The following NBEA variants were observed in gnomAD, a reference collection of about 807,000 sequenced individuals.
NBEA encodes neurobeachin.
NBEA carries 44 observed loss-of-function variants against 343.4 expected under a neutral mutation model. That is an observed-to-expected ratio of 0.13 (90% CI 0.10 to 0.16). The LOEUF (loss-of-function observed/expected upper bound fraction) is 0.16, where lower values mean the gene tolerates loss of function less well. Ranked by LOEUF, NBEA falls within the 10% of genes least tolerant of loss-of-function variation. NBEA has a pLI of 1.00. For synonymous variants in NBEA, 1,175 were observed against 1,238.7 expected (o/e 0.95, Z 1.08); for missense variants, 2,555 against 3,631.3 (o/e 0.70, Z 7.62).
intron 46 of NBEA, among the ~76,000 whole-genome samples, chr13:35,589,388 C>T (rs960482944): frequency 6.6e-6 from 1 of 152,042 alleles, no homozygotes; most frequent in Admixed American, 6.6e-5. Flanking sequence ...TAATACAGAG[C>T]CTGGCACAGA....
At chr13:35,556,342 G>A (rs2079571602) in intron 44 of NBEA, among the ~76,000 whole-genome samples, 1 of 152,050 alleles carries the variant, frequency 6.6e-6, no homozygotes, top group Non-Finnish European at 1.5e-5. Flanking sequence ...CAACACCAAA[G>A]AGAAGAGGGA....
intron 44 of NBEA, among the ~76,000 whole-genome samples, chr13:35,559,557 A>G (rs959357519): frequency 6.6e-6 from 1 of 152,120 alleles, no homozygotes. Context: ...AAACATTTTT[A>G]TTTGATATCA....
intron 34 of NBEA, among the ~76,000 whole-genome samples, chr13:35,246,508 T>A (rs532133963): frequency 6.6e-6 from 1 of 152,308 alleles, no homozygotes; most frequent in East Asian, 1.9e-4. Context: ...CCCCTTTTCC[T>A]AGGGATGTGG....
intron 36 of NBEA, among the ~76,000 whole-genome samples, chr13:35,345,578 T>C (rs1004321096): frequency 2.6e-5 from 4 of 152,066 alleles, no homozygotes; most frequent in African/African-American, 9.7e-5. Flanking sequence ...TTTGTTACTT[T>C]CCTTAGCAGT....
At chr13:35,449,555 T>C (rs116925507) in intron 39 of NBEA, among the ~76,000 whole-genome samples, 4,555 of 152,330 alleles carry the variant, frequency 0.03, 107 homozygotes, top group Non-Finnish European at 0.045. Context: ...TTATTAATCA[T>C]TGGGTTTCCC....
chr13:35,614,995 T>G (rs2082670765), intron 48 of NBEA, among the ~76,000 whole-genome samples: 1 of 151,962 alleles, frequency 6.6e-6, no homozygotes, highest in Non-Finnish European at 1.5e-5. Context: ...GATACTGTGC[T>G]AGAACTTCAG....
chr13:35,557,705 C>T (rs1338059666), intron 44 of NBEA, among the ~76,000 whole-genome samples: 1 of 152,100 alleles, frequency 6.6e-6, no homozygotes, highest in South Asian at 2.1e-4. Context: ...AGAACACTTA[C>T]AGTCTAGATG....
chr13:35,241,492 T>C (rs1172055105), intron 34 of NBEA, among the ~76,000 whole-genome samples: 1 of 151,814 alleles, frequency 6.6e-6, no homozygotes, highest in Non-Finnish European at 1.5e-5. Flanking sequence ...ATATCTGTAA[T>C]ACCAAAGGTA....
At chr13:35,474,927 T>C in intron 41 of NBEA, 1 of 1,111,630 alleles carries the variant, frequency 9.0e-7, no homozygotes. Flanking sequence ...GTTTAAATAT[T>C]GTATTATTAT....
Position 35,109,434 on chromosome 13 carries a change from C to T in NBEA, c.1825C>T (p.Pro609Ser), listed in dbSNP as rs1395355133. ...LFNPAIWIHT[P>S]AKVQLSLYTY... ...TAACCCAGCCATCTGGATACATACA[C>T]CTGCAAAGGTATGAATTTTATACTT... Residue 609 changes from proline (P) to serine (S), a missense_variant, in exon 12 of 59, where the codon CCT becomes TCT. Pro to Ser is a moderately conservative substitution (Grantham distance 74). This residue lies in a region of NBEA where 360 missense variants were observed against 519.1 expected (regional missense o/e 0.69). Transcript: ENST00000379939. 4 of 1,603,650 alleles carry T rather than the reference C, an allele frequency of 2.5e-6. No homozygotes were observed. The highest frequency in any genetic ancestry group is 3.4e-6 in the Non-Finnish European group (4 of 1,176,426).
intron 10 of NBEA, among the ~76,000 whole-genome samples, chr13:35,075,445 TTAAA>T (rs1260153497): frequency 1.3e-5 from 2 of 152,090 alleles, no homozygotes; most frequent in Admixed American, 6.6e-5. Flanking sequence ...ATGTGATAAT[TTAAA>T]TAAATTATCT....
At chr13:35,293,209 C>A (rs1203304525) in intron 35 of NBEA, among the ~76,000 whole-genome samples, 2 of 151,884 alleles carry the variant, frequency 1.3e-5, no homozygotes. Flanking sequence ...TATGGGCAAA[C>A]TTTTAAACTC....
At chr13:35,062,385 G>A (rs998822068) in intron 8 of NBEA, among the ~76,000 whole-genome samples, 5 of 151,644 alleles carry the variant, frequency 3.3e-5, no homozygotes, top group African/African-American at 4.8e-5. Context: ...ATTTTGAAAG[G>A]TCTAATAGGC....
In NBEA at chr13:35,584,119, T is replaced by TG; in HGVS notation, c.7176+82dup. The TG allele has an allele frequency of 2.4e-6, 3 of 1,268,400 alleles. No individual in the cohort carries two copies. In the African/African-American group the frequency reaches 4.5e-5, roughly 19 times the overall value. 78.6% of individuals were successfully genotyped at this position (1,268,400 alleles called of 1,614,324 possible). ...TAAATTAAATAAAAATCAAATCAGT[T>TG]GTAATTTGATTAACAAAGATTAGAG... On this transcript the variant is annotated intron_variant, in intron 46 of 58. Transcript: ENST00000379939.
chr13:35,002,653 A>G (rs2061181269), intron 1 of NBEA, among the ~76,000 whole-genome samples: 1 of 152,230 alleles, frequency 6.6e-6, no homozygotes, highest in Non-Finnish European at 1.5e-5. Flanking sequence ...TGAATTTTAA[A>G]TCATTATAAC....
intron 41 of NBEA, among the ~76,000 whole-genome samples, chr13:35,509,561 AT>A (rs2077197261): frequency 6.6e-6 from 1 of 152,190 alleles, no homozygotes; most frequent in Admixed American, 6.5e-5. Context: ...AAGTTTTTGT[AT>A]TTGGCCACCG....
rs35166245 is a variant in NBEA, at chr13:35,119,581, A to AT, written c.2243+1116dup. 1.5e-4 allele frequency among the ~76,000 whole-genome samples: 23 copies of AT among 151,382 alleles called. 1 individual carries two copies. The East Asian group carries it at 1.7e-3, about 11-fold the overall frequency. ...CATTTAGTGATTAACAACTGTTACA[A>AT]TTTTTTTTTCTTTTTGAGACAGAGT... On this transcript the variant is annotated intron_variant, in intron 16 of 58. Transcript: ENST00000379939.
At chr13:35,050,817 T>C (rs769815640) in intron 6 of NBEA, among the ~76,000 whole-genome samples, 7 of 152,002 alleles carry the variant, frequency 4.6e-5, no homozygotes, top group African/African-American at 7.2e-5. Flanking sequence ...TTCTGAATAT[T>C]GTTTCCTGAG....
intron 41 of NBEA, among the ~76,000 whole-genome samples, chr13:35,507,407 T>A (rs1028675643): frequency 1.3e-5 from 2 of 152,154 alleles, no homozygotes; most frequent in African/African-American, 4.8e-5. Flanking sequence ...AGCCTGACTC[T>A]CTTTCTTGAA....
Sources: gnomAD v4.1 joint callset for allele counts (sites outside exome capture counted in the v4.1 genomes callset) on GRCh38, gnomAD v4.1.1 for gene constraint, gnomAD v4.1.1 regional missense constraint, MANE v1.5 for transcripts, NCBI Gene and HGNC (gene_info 2026-07-23, HGNC 2026-07-21) for gene names.